Variants in NAA60 observed in about 807,000 individuals in gnomAD.
NAA60 encodes N-alpha-acetyltransferase 60.
NAA60 carries 8 observed loss-of-function variants against 26.1 expected under a neutral mutation model. That is an observed-to-expected ratio of 0.31 (90% confidence interval 0.18 to 0.55). The LOEUF (loss-of-function observed/expected upper bound fraction) is 0.55. Ranked by LOEUF, NAA60 falls within the 20% of genes least tolerant of loss-of-function variation. The pLI is 0.93. For synonymous variants in NAA60, 131 were observed against 122.5 expected (o/e 1.07, Z -0.46); for missense variants, 290 against 311.3 (o/e 0.93, Z 0.51).
intron 2 of NAA60, among the ~76,000 whole-genome samples, chr16:3,460,758 G>A (rs1567372441): frequency 2.0e-5 from 3 of 152,328 alleles, no homozygotes; most frequent in South Asian, 4.1e-4. Context: ...TTATGTCCAT[G>A]TGAAGTGCTT....
At chr16:3,451,711 A>G (rs1354487577) in intron 2 of NAA60, among the ~76,000 whole-genome samples, 2 of 152,066 alleles carry the variant, frequency 1.3e-5, no homozygotes, top group Admixed American at 1.3e-4. Context: ...TAAGCTCAGG[A>G]GTTGGAGACC....
intron 2 of NAA60, among the ~76,000 whole-genome samples, chr16:3,458,640 T>TG (rs1567369696): frequency 6.6e-6 from 1 of 152,188 alleles, no homozygotes; most frequent in African/African-American, 2.4e-5. Context: ...TGGTACTTGT[T>TG]GCGCCGATTG....
At chr16:3,468,383 C>T (rs1163545949) in intron 2 of NAA60, among the ~76,000 whole-genome samples, 1 of 152,106 alleles carries the variant, frequency 6.6e-6, no homozygotes, top group Non-Finnish European at 1.5e-5. Flanking sequence ...ATGAATTGGC[C>T]TTAGGTTCCC....
intron 1 of NAA60, among the ~76,000 whole-genome samples, chr16:3,444,977 G>C (rs1391551854): frequency 1.3e-5 from 2 of 152,174 alleles, no homozygotes; most frequent in African/African-American, 4.8e-5. Flanking sequence ...TGGAAAATAA[G>C]TTAGATAAGA....
At chr16:3,466,162 A>G (rs7206826) in intron 2 of NAA60, among the ~76,000 whole-genome samples, 9 of 152,306 alleles carry the variant, frequency 5.9e-5, no homozygotes, top group East Asian at 3.9e-4. Flanking sequence ...AGCACCGGCA[A>G]TTTGTTTGGC....
intron 2 of NAA60, chr16:3,472,275 C>T (rs759557378): frequency 2.0e-5 from 3 of 152,220 alleles, no homozygotes; most frequent in Non-Finnish European, 4.4e-5. Flanking sequence ...CTGCGGCACA[C>T]AGCGCTGCTT....
chr16:3,466,675 C>A (rs2035783614), intron 2 of NAA60, among the ~76,000 whole-genome samples: 1 of 152,068 alleles, frequency 6.6e-6, no homozygotes, highest in African/African-American at 2.4e-5. Context: ...TGCTAATCTC[C>A]CTTGAGCTTC....
chr16:3,485,856 G>A lies in NAA60; in HGVS notation c.*596G>A, dbSNP rs767042000. The A allele has an allele frequency of 8.3e-6, 3 of 360,836 alleles. No individual in the cohort carries two copies. The highest frequency in any genetic ancestry group is 7.4e-5 in the East Asian group (1 of 13,586). The allele number at this position is 360,836 out of a possible 1,614,324, so 22.4% of individuals were successfully genotyped here. A position where few individuals can be genotyped will look rare whatever the true frequency, so the allele number is the denominator to read the frequency against. ...GGGCAGCCTGGGGGAGGCTTTCCTC[G>A]CAAGCACAGAGCTCTGAGGCTCAGC... On this transcript the variant is annotated 3_prime_UTR_variant, in exon 8 of 8. Coordinates refer to ENST00000407558, the MANE Select transcript of NAA60 (RefSeq NM_001083601.3).
At chr16:3,449,353 C>A (rs1256755563) in intron 2 of NAA60, among the ~76,000 whole-genome samples, 1 of 152,076 alleles carries the variant, frequency 6.6e-6, no homozygotes, top group Non-Finnish European at 1.5e-5. Context: ...CCCATCTTTA[C>A]TAAAAATACA....
chr16:3,456,217 G>A (rs2034986576), intron 2 of NAA60, among the ~76,000 whole-genome samples: 1 of 152,190 alleles, frequency 6.6e-6, no homozygotes, highest in Non-Finnish European at 1.5e-5. Context: ...GGGTCTTGTT[G>A]AATGCAGATT....
At chr16:3,459,647 T>C (rs3810809) in intron 2 of NAA60, among the ~76,000 whole-genome samples, 30,994 of 152,174 alleles carry the variant, frequency 0.2, 3,965 homozygotes, top group African/African-American at 0.36. Context: ...AGTTTCATCT[T>C]ACTGAAGTTG....
chr16:3,480,523 C>T (rs769931758), intron 4 of NAA60, among the ~76,000 whole-genome samples: 4 of 150,998 alleles, frequency 2.6e-5, no homozygotes, highest in East Asian at 3.9e-4. Flanking sequence ...CTTGAACCCA[C>T]GAGGCAGAGG....
chr16:3,474,142 A>G (rs184111386), intron 2 of NAA60, among the ~76,000 whole-genome samples: 7 of 152,328 alleles, frequency 4.6e-5, no homozygotes, highest in East Asian at 1.9e-4. Context: ...GCTTCTCCCT[A>G]TAAAGCTGAG....
intron 2 of NAA60, chr16:3,468,037 A>AG (rs1337077507): frequency 1.3e-5 from 2 of 152,234 alleles, no homozygotes; most frequent in African/African-American, 4.8e-5. Flanking sequence ...TGTAAATGAA[A>AG]GTGACCTGCG....
chr16:3,453,475 C>T (rs938822509), intron 2 of NAA60, among the ~76,000 whole-genome samples: 2 of 152,094 alleles, frequency 1.3e-5, no homozygotes, highest in Non-Finnish European at 2.9e-5. Flanking sequence ...ATGGCATGAT[C>T]TCAGCTCACC....
At position 3,486,608 on chromosome 16, in the gene NAA60, A is replaced by C. The variant is rs920139248; in HGVS notation, c.*1348A>C. ...CATCCCCCTCCTTGACGGTGCTGGC[A>C]GGAGGGCCGCGCCATGCTGACTGCT... On this transcript the variant is annotated 3_prime_UTR_variant, in exon 8 of 8. Transcript: ENST00000407558. The C allele has an allele frequency of 6.6e-6, 1 of 152,372 alleles. No individual in the cohort carries two copies. The highest frequency in any genetic ancestry group is 2.4e-5 in the African/African-American group (1 of 41,446). 9.4% of individuals were successfully genotyped at this position (152,372 alleles called of 1,614,324 possible). A position where few individuals can be genotyped will look rare whatever the true frequency, so the allele number is the denominator to read the frequency against.
intron 2 of NAA60, among the ~76,000 whole-genome samples, chr16:3,474,415 C>T (rs1325208919): frequency 6.6e-6 from 1 of 152,238 alleles, no homozygotes; most frequent in Non-Finnish European, 1.5e-5. Context: ...TGGGGAGGGG[C>T]CTAGCTATCT....
At chr16:3,471,392 AC>A (rs990677821) in intron 2 of NAA60, among the ~76,000 whole-genome samples, 2 of 151,996 alleles carry the variant, frequency 1.3e-5, no homozygotes, top group African/African-American at 4.8e-5. Flanking sequence ...GGTCTCAGCT[AC>A]TCGGGAGGCT....
chr16:3,474,768 A>G (rs1369724096), intron 2 of NAA60, among the ~76,000 whole-genome samples: 1 of 151,628 alleles, frequency 6.6e-6, no homozygotes, highest in Non-Finnish European at 1.5e-5. Flanking sequence ...TTGTTGTTTG[A>G]CTCCGTCATT....
Sources: gnomAD v4.1 joint callset for allele counts (sites outside exome capture counted in the v4.1 genomes callset) on GRCh38, gnomAD v4.1.1 for gene constraint, MANE v1.5 for transcripts, NCBI Gene and HGNC (gene_info 2026-07-23, HGNC 2026-07-21) for gene names.